The following REG4 variants were observed in gnomAD, a reference collection of about 807,000 sequenced individuals.
REG4 encodes regenerating islet-derived protein 4.
A neutral mutation model predicts 22.3 loss-of-function variants in REG4; 16 were observed. The ratio of observed to expected loss-of-function variants is 0.72; its 90% confidence interval spans 0.49 to 1.09. REG4 has a LOEUF of 1.09. Ranked by LOEUF, REG4 falls within the 50% of genes least tolerant of loss-of-function variation. REG4 has a pLI of 0.00. For synonymous variants in REG4, 71 were observed against 69.2 expected (o/e 1.03, Z -0.13); for missense variants, 214 against 193.9 (o/e 1.10, Z -0.61).
At chr1:119,802,507 C>T in intron 3 of REG4, 11 of 1,053,380 alleles carry the variant, frequency 1.0e-5, no homozygotes, top group Non-Finnish European at 1.3e-5. Flanking sequence ...CATCCACTCC[C>T]CATATGTGGC....
At chr1:119,808,548 A>G (rs1654395733) in intron 2 of REG4, among the ~76,000 whole-genome samples, 155 bp downstream of exon 2, 1 of 152,200 alleles carries the variant, frequency 6.6e-6, no homozygotes, top group African/African-American at 2.4e-5. Flanking sequence ...AGAGCCCTTG[A>G]ATTTTTTAGT....
chr1:119,803,212 T>C, intron 2 of REG4, 47 bp from the exon 3 acceptor site: 1 of 1,487,684 alleles, frequency 6.7e-7, no homozygotes. Context: ...GCAAAAACAA[T>C]CAATTCCCAG....
chr1:119,799,684 G>A, intron 4 of REG4, 41 bp downstream of exon 4: 1 of 1,599,626 alleles, frequency 6.3e-7, no homozygotes, highest in Non-Finnish European at 8.5e-7. Flanking sequence ...ATGCCAGCCT[G>A]GCTTTCCCAA....
At chr1:119,799,327 A>T (rs1654027944) in intron 4 of REG4, among the ~76,000 whole-genome samples, 1 of 152,216 alleles carries the variant, frequency 6.6e-6, no homozygotes, top group African/African-American at 2.4e-5. Context: ...ATCTAAAAAA[A>T]AAGGCTAGCT....
chr1:119,808,043 T>A (rs966243570), intron 2 of REG4, among the ~76,000 whole-genome samples: 5 of 152,236 alleles, frequency 3.3e-5, no homozygotes, highest in African/African-American at 1.2e-4. Context: ...CTGTGTGACA[T>A]TGGGCAAATC....
At chr1:119,801,535 G>C (rs1186776402) in intron 3 of REG4, 1 of 152,250 alleles carries the variant, frequency 6.6e-6, no homozygotes, top group Non-Finnish European at 1.5e-5. Flanking sequence ...GTATGTACGT[G>C]ATAGCCTCCC....
chr1:119,799,873 G>A lies in REG4; in HGVS notation c.166-11C>T, dbSNP rs1654046970. On this transcript the variant is annotated splice_polypyrimidine_tract_variant and intron_variant, in intron 3 of 5. Transcript: ENST00000256585. ...AGACTGACACTCGAGCTATGTACAA[G>A]GAGAGGTCCTGTTAATTATGCCTGC... is the stretch of plus-strand genomic sequence containing the variant. The A allele has an allele frequency of 6.2e-7, 1 of 1,613,614 alleles. No individual in the cohort carries two copies. Among genetic ancestry groups the A allele is most frequent in the East Asian group, 2.2e-5 (1 of 44,884 alleles).
chr1:119,803,641 A>G (rs1654195839), intron 2 of REG4, among the ~76,000 whole-genome samples: 1 of 152,262 alleles, frequency 6.6e-6, no homozygotes, highest in African/African-American at 2.4e-5. Context: ...AGCAGCTGGC[A>G]GAATCTTGTA....
chr1:119,802,727 A>AT, intron 3 of REG4: 1 of 1,448,132 alleles, frequency 6.9e-7, no homozygotes, highest in South Asian at 1.5e-5. Flanking sequence ...CAGAAACTCC[A>AT]TTATCCTTTC....
intron 3 of REG4, chr1:119,802,571 C>T (rs755526064): frequency 1.0e-5 from 12 of 1,172,622 alleles, no homozygotes; most frequent in Admixed American, 4.5e-5. Flanking sequence ...AAAGCTTCAA[C>T]GAAATAAAAT....
At chr1:119,796,422 G>A (rs587665028) in intron 5 of REG4, among the ~76,000 whole-genome samples, 1 of 152,312 alleles carries the variant, frequency 6.6e-6, no homozygotes, top group African/African-American at 2.4e-5. Context: ...GGGAGAGTCA[G>A]AAAGGGTGAG....
chr1:119,794,308 G>A lies in REG4; in HGVS notation c.*310C>T, dbSNP rs1439828333. ...CTGTCTTCAAATCTTTACTTCTTAT[G>A]GCCAAAGACCCAGCTGTTTCATAGG... is the stretch of plus-strand genomic sequence containing the variant. On this transcript the variant is annotated 3_prime_UTR_variant, in exon 6 of 6. Coordinates refer to ENST00000256585, the MANE Select transcript of REG4 (RefSeq NM_032044.4). The A allele has an allele frequency of 3.4e-6, 2 of 594,386 alleles. No homozygotes were observed. Among genetic ancestry groups the A allele is most frequent in the Non-Finnish European group, 6.6e-6 (2 of 303,982 alleles). The allele number at this position is 594,386 out of a possible 1,614,324, so 36.8% of individuals were successfully genotyped here.
chr1:119,808,170 C>T (rs980536058), intron 2 of REG4, among the ~76,000 whole-genome samples: 2 of 152,334 alleles, frequency 1.3e-5, no homozygotes, highest in South Asian at 4.1e-4. Flanking sequence ...TCTTAGCTCA[C>T]TCGTACACTG....
chr1:119,797,578 C>T (rs1209278823), intron 5 of REG4, among the ~76,000 whole-genome samples: 1 of 152,198 alleles, frequency 6.6e-6, no homozygotes, highest in Non-Finnish European at 1.5e-5. Flanking sequence ...GGCAGGGGGT[C>T]CTGGTGTCAC....
At position 119,811,430 on chromosome 1, in the gene REG4, A is replaced by G. The variant is rs2101078981; in HGVS notation, c.-116T>C. Reference sequence around the variant, plus strand: ...TTACCTGTTTGGCAACCAAGACTCTAAGGGCCCCTGCCTTCTTCAGTGTCT... The same window carrying G: ...TTACCTGTTTGGCAACCAAGACTCTGAGGGCCCCTGCCTTCTTCAGTGTCT... On this transcript the variant is annotated 5_prime_UTR_variant, in exon 1 of 6. Transcript: ENST00000256585. The G allele has an allele frequency of 7.0e-6, 1 of 143,520 alleles. No homozygotes were observed. Among genetic ancestry groups the G allele is most frequent in the South Asian group, 2.4e-4 (1 of 4,204 alleles). 8.9% of individuals were successfully genotyped at this position (143,520 alleles called of 1,614,324 possible). A position where few individuals can be genotyped will look rare whatever the true frequency, so the allele number is the denominator to read the frequency against.
intron 3 of REG4, 98 bp from the exon 4 acceptor site, chr1:119,799,960 GC>G: frequency 6.9e-7 from 1 of 1,452,094 alleles, no homozygotes. Flanking sequence ...GACTCACGCA[GC>G]CCCCACTTCC....
At chr1:119,804,829 C>G (rs929406058) in intron 2 of REG4, among the ~76,000 whole-genome samples, 1 of 152,150 alleles carries the variant, frequency 6.6e-6, no homozygotes, top group African/African-American at 2.4e-5. Flanking sequence ...TGCTCTCATT[C>G]TTTTTTCTCC....
rs143918761 is a variant in REG4 at position 119,808,577 on chromosome 1, T to G, written c.67+126A>C. ...TTTTAGTACCTATCTTTGTTTTTCA[T>G]CTCCATGTTTAAAAACCTATTTCCT... On this transcript the variant is annotated intron_variant, in intron 2 of 5. Coordinates refer to ENST00000256585, the MANE Select transcript of REG4 (RefSeq NM_032044.4). The G allele has an allele frequency of 1.6e-3, 1,024 of 660,438 alleles. 10 individuals are homozygous for G. The African/African-American group carries it at 0.016, about 11-fold the overall frequency. 40.9% of individuals were successfully genotyped at this position (660,438 alleles called of 1,614,324 possible). A position where few individuals can be genotyped will look rare whatever the true frequency, so the allele number is the denominator to read the frequency against.
At chr1:119,797,403 A>G (rs1653964872) in intron 5 of REG4, among the ~76,000 whole-genome samples, 1 of 152,048 alleles carries the variant, frequency 6.6e-6, no homozygotes, top group Admixed American at 6.5e-5. Context: ...CCTTTGCCTC[A>G]TGCTGTTAGA....
Sources: gnomAD v4.1 joint callset for allele counts (sites outside exome capture counted in the v4.1 genomes callset) on GRCh38, gnomAD v4.1.1 for gene constraint, MANE v1.5 for transcripts, NCBI Gene and HGNC (gene_info 2026-07-23, HGNC 2026-07-21) for gene names.